GLIS1: variants seen among roughly 807,000 people sequenced by gnomAD.
GLIS1 encodes zinc finger protein GLIS1.
In GLIS1, 24 loss-of-function variants were observed where a neutral mutation model predicts 63.8. That is an observed-to-expected ratio of 0.38 (90% confidence interval 0.27 to 0.53). The LOEUF (loss-of-function observed/expected upper bound fraction) is 0.53. GLIS1 is among the 20% of genes least tolerant of loss of function. GLIS1 has a pLI of 0.85. For missense variants in GLIS1, 1,036 were observed against 1,074.1 expected (o/e 0.96, Z 0.50); for synonymous variants, 450 against 482.5 (o/e 0.93, Z 0.88).
At chr1:53,734,175 C>T in intron 2 of GLIS1, 2 of 984,440 alleles carry the variant, frequency 2.0e-6, no homozygotes, top group Non-Finnish European at 2.4e-6. Context: ...TTTTTTATTG[C>T]AAGGATGCAT....
At chr1:53,659,472 G>C (rs1270146579) in intron 2 of GLIS1, among the ~76,000 whole-genome samples, 1 of 152,178 alleles carries the variant, frequency 6.6e-6, no homozygotes, top group Non-Finnish European at 1.5e-5. Context: ...TATCCACAGG[G>C]AAACTGAGGC....
intron 2 of GLIS1, among the ~76,000 whole-genome samples, chr1:53,613,065 C>T (rs564410760): frequency 2.0e-5 from 3 of 152,182 alleles, no homozygotes; most frequent in Non-Finnish European, 2.9e-5. Context: ...GTGATCCACC[C>T]ACCTTGGCCT....
At chr1:53,528,812 G>A (rs1296589306) in intron 5 of GLIS1, among the ~76,000 whole-genome samples, 1 of 152,090 alleles carries the variant, frequency 6.6e-6, no homozygotes, top group Admixed American at 6.5e-5. Context: ...CCCAGCCTCT[G>A]ACCCACAGAG....
rs1316762566 is a variant in GLIS1, at chr1:53,594,128, C to T, written c.1300G>A (p.Glu434Lys). Residue 434 changes from glutamate (E) to lysine (K), a missense_variant, in exon 4 of 11, where the codon GAG (glutamate) becomes AAG (lysine). Glu to Lys is a moderately conservative substitution (Grantham distance 56). This residue lies in a region of GLIS1 where 592 missense variants were observed against 593.9 expected (regional missense o/e 1.00). Transcript: ENST00000628545. ...LLIHMRVHSGEKPNKCMFEGC... is the reference protein window; with the variant it reads ...LLIHMRVHSGKKPNKCMFEGC... ...CTCACCATGCACTTGTTGGGCTTCT[C>T]GCCCGAGTGCACTCGCATGTGGATG... 6.2e-7 allele frequency: 1 copy of T among 1,611,152 alleles called. No individual in the cohort carries two copies. Among genetic ancestry groups the T allele is most frequent in the Non-Finnish European group, 8.5e-7 (1 of 1,177,868 alleles).
chr1:53,520,276 C>A (rs1255266756), intron 7 of GLIS1, among the ~76,000 whole-genome samples: 3 of 152,056 alleles, frequency 2.0e-5, no homozygotes, highest in Non-Finnish European at 4.4e-5. Flanking sequence ...GGAGCAGGAG[C>A]AGAGAGTGTT....
intron 2 of GLIS1, among the ~76,000 whole-genome samples, chr1:53,731,100 A>G (rs74084408): frequency 0.02 from 3,051 of 152,292 alleles, 99 homozygotes; most frequent in African/African-American, 0.069. Context: ...TTGGCAAGGA[A>G]TCTCCCCATA....
intron 5 of GLIS1, 128 bp from the exon 6 acceptor site, chr1:53,525,015 G>T: frequency 1.5e-6 from 1 of 675,648 alleles, no homozygotes; most frequent in Non-Finnish European, 2.5e-6. Context: ...CTCTGCCTCA[G>T]CCAGCCCGGC....
At chr1:53,517,436 T>C (rs2100281478) in intron 7 of GLIS1, among the ~76,000 whole-genome samples, 1 of 152,302 alleles carries the variant, frequency 6.6e-6, no homozygotes, top group South Asian at 2.1e-4. Flanking sequence ...GCCCACACTT[T>C]GAGCCACTCA....
At position 53,683,891 on chromosome 1, in the gene GLIS1, C is replaced by T. The variant is rs1048684013; in HGVS notation, c.259+53915G>A. Among the ~76,000 whole-genome samples, 7 of 152,110 alleles carry T rather than the reference C, an allele frequency of 4.6e-5. 1 individual carries two copies. Among genetic ancestry groups the T allele is most frequent in the African/African-American group, 1.7e-4 (7 of 41,414 alleles). Reference sequence around the variant, plus strand: ...AGGGCTTTGTACAGTCCTTGCCAGGCTTGAGACTCAGGGACTCTCCTGACC... The same window carrying T: ...AGGGCTTTGTACAGTCCTTGCCAGGTTTGAGACTCAGGGACTCTCCTGACC... On this transcript the variant is annotated intron_variant, in intron 2 of 10. Transcript: ENST00000628545.
chr1:53,567,268 A>AT (rs1644943804), intron 4 of GLIS1, among the ~76,000 whole-genome samples: 1 of 152,202 alleles, frequency 6.6e-6, no homozygotes, highest in Non-Finnish European at 1.5e-5. Flanking sequence ...GGAACTTTGA[A>AT]TTTGAAAGAG....
At chr1:53,633,933 G>C (rs1451709753) in intron 2 of GLIS1, among the ~76,000 whole-genome samples, 1 of 152,200 alleles carries the variant, frequency 6.6e-6, no homozygotes, top group African/African-American at 2.4e-5. Flanking sequence ...AGTGAACAGA[G>C]AATCATGGCG....
chr1:53,588,978 C>T (rs1169840191), intron 4 of GLIS1, among the ~76,000 whole-genome samples: 2 of 152,194 alleles, frequency 1.3e-5, no homozygotes, highest in Non-Finnish European at 2.9e-5. Flanking sequence ...GGGATATGAG[C>T]CCAGAACCCC....
chr1:53,637,895 T>A (rs1645743978), intron 2 of GLIS1, among the ~76,000 whole-genome samples: 1 of 152,264 alleles, frequency 6.6e-6, no homozygotes, highest in Middle Eastern at 3.4e-3. Context: ...CAGAATACAT[T>A]TGTGCAGAGG....
chr1:53,697,162 C>A (rs1415729023), intron 2 of GLIS1, among the ~76,000 whole-genome samples: 2 of 152,164 alleles, frequency 1.3e-5, no homozygotes, highest in African/African-American at 2.4e-5. Context: ...GGAAGACGGT[C>A]ACAGCAACAA....
At chr1:53,590,498 T>C (rs1191290920) in intron 4 of GLIS1, among the ~76,000 whole-genome samples, 5 of 152,258 alleles carry the variant, frequency 3.3e-5, no homozygotes, top group African/African-American at 9.6e-5. Context: ...TCCTTCTTGA[T>C]GTGGAGAAAA....
chr1:53,676,627 T>C (rs1014583438), intron 2 of GLIS1, among the ~76,000 whole-genome samples: 2 of 152,144 alleles, frequency 1.3e-5, no homozygotes, highest in Admixed American at 1.3e-4. Flanking sequence ...GCCCCAGCCC[T>C]GCCACAGACA....
intron 4 of GLIS1, among the ~76,000 whole-genome samples, chr1:53,589,485 G>A (rs528789061): frequency 6.6e-6 from 1 of 152,320 alleles, no homozygotes; most frequent in East Asian, 1.9e-4. Flanking sequence ...CGTGAGTTTG[G>A]CCCAGGCTAG....
rs1449972575 is a variant in GLIS1, at chr1:53,560,935, G to A, written c.1321-30983C>T. ...AGCCAGGCAGCCAGGCAGAGCTCCA[G>A]AGAGGAGGCCGGGCCCACACTGGAT... On this transcript the variant is annotated intron_variant, in intron 4 of 10. Coordinates refer to ENST00000628545, the MANE Select transcript of GLIS1 (RefSeq NM_001367484.1). The surrounding 1 kb of genome is among the most constrained non-coding windows in gnomAD (Gnocchi z 4.4). Among the ~76,000 whole-genome samples the A allele has an allele frequency of 2.0e-5, 3 of 152,210 alleles. No homozygotes were observed. The highest frequency in any genetic ancestry group is 7.2e-5 in the African/African-American group (3 of 41,458).
intron 2 of GLIS1, among the ~76,000 whole-genome samples, chr1:53,656,893 G>A (rs1645971825): frequency 6.6e-6 from 1 of 152,218 alleles, no homozygotes; most frequent in Non-Finnish European, 1.5e-5. Flanking sequence ...CCGCAGACAG[G>A]TACGTGCAAA....
Sources: gnomAD v4.1 joint callset for allele counts (sites outside exome capture counted in the v4.1 genomes callset) on GRCh38, gnomAD v4.1.1 for gene constraint, gnomAD v4.1.1 regional missense constraint, Gnocchi (gnomAD v3.1) non-coding constraint, MANE v1.5 for transcripts, NCBI Gene and HGNC (gene_info 2026-07-23, HGNC 2026-07-21) for gene names.